Variants in HERC2 observed in about 807,000 individuals in gnomAD.
HERC2 encodes the protein E3 ubiquitin-protein ligase HERC2.
Under a neutral mutation model 537.7 loss-of-function variants are expected in HERC2, and 102 were observed. That is an observed-to-expected ratio of 0.19 (90% confidence interval 0.16 to 0.22). HERC2 has a LOEUF of 0.22. HERC2 is among the 10% of genes least tolerant of loss of function. HERC2 has a pLI of 1.00. For synonymous variants in HERC2, 2,224 were observed against 2,466.2 expected, an observed-to-expected ratio of 0.90 and a Z score of 2.91; for missense variants, 4,236 against 6,198.2, an observed-to-expected ratio of 0.68 and a Z score of 10.63.
Position 28,229,208 on chromosome 15 carries a change from T to C in HERC2, c.5259A>G (p.Lys1753=), listed in dbSNP as rs1206834990. 6 of 1,612,678 alleles carry C rather than the reference T, an allele frequency of 3.7e-6. No individual in the cohort carries two copies. The highest frequency in any genetic ancestry group is 5.1e-6 in the Non-Finnish European group (6 of 1,179,712). ...TTATTGACTCACCAAGCTCTTTAAA[T>C]TTGGCACTGGCATCCATCAAAACAT... ...IRNVLMDASA[K]FKELGIQPVP... is the part of the protein sequence containing the mutation. Residue 1753 remains lysine (K), a synonymous_variant, in exon 34 of 93, where the codon AAA becomes AAG. Transcript: ENST00000261609.
chr15:28,126,887 T>TA, intron 83 of HERC2, among the ~76,000 whole-genome samples: 1 of 152,042 alleles, frequency 6.6e-6, no homozygotes, highest in Non-Finnish European at 1.5e-5. Flanking sequence ...AAAAATAACA[T>TA]AAAAAAAGAA....
rs959485973 is a variant in HERC2 at position 28,144,108 on chromosome 15, C to T, written c.11268G>A (p.Ser3756=). ...CACTCAGCTGTGCACAAGCTGCCAG[C>T]GAGGCCGCAAGGCGAGGGACGATGC... ...NRSIVPRLAA[S]LAACAQLSAL... Residue 3756 remains serine, a synonymous_variant, in exon 73 of 93, where the codon TCG becomes TCA. Coordinates refer to ENST00000261609, the MANE Select transcript of HERC2 (RefSeq NM_004667.6). The T allele has an allele frequency of 1.9e-6, 3 of 1,614,014 alleles. No homozygotes were observed. Among genetic ancestry groups the T allele is most frequent in the South Asian group, 1.1e-5 (1 of 91,086 alleles).
chr15:28,199,812 T>C (rs762887331), intron 48 of HERC2, among the ~76,000 whole-genome samples: 2 of 152,152 alleles, frequency 1.3e-5, no homozygotes, highest in African/African-American at 2.4e-5. Context: ...CTAACTCCTA[T>C]TGTATTGGAG....
At position 28,214,228 on chromosome 15, in the gene HERC2, T is replaced by G; in HGVS notation, c.6403A>C (p.Thr2135Pro). Residue 2135 changes from threonine to proline, a missense_variant, in exon 41 of 93, where the codon ACT (threonine) becomes CCT (proline). Physicochemically the swap from Thr to Pro is conservative, Grantham distance 38. Around this residue, in one of 27 missense-constraint regions of HERC2, gnomAD observed 365 missense variants for 468.8 expected, o/e 0.78. Coordinates refer to ENST00000261609, the MANE Select transcript of HERC2 (RefSeq NM_004667.6). ...RRRVRPQASLTATHSSTLAEE... is the reference protein window; with the variant it reads ...RRRVRPQASLPATHSSTLAEE... ...GCCAGTGTGCTGCTGTGGGTGGCAG[T>G]CAGCGAGGCCTGCGGGCGCACCCTG... 6.2e-7 allele frequency: 1 copy of G among 1,612,100 alleles called. No homozygotes were observed. Among genetic ancestry groups the G allele is most frequent in the Non-Finnish European group, 8.5e-7 (1 of 1,179,884 alleles).
chr15:28,275,438 C>G (rs926064619), intron 5 of HERC2, among the ~76,000 whole-genome samples: 15 of 152,238 alleles, frequency 9.9e-5, no homozygotes, highest in African/African-American at 3.6e-4. Flanking sequence ...CACTCGAGGT[C>G]TGCTCCTGGC....
At position 28,229,302 on chromosome 15, in the gene HERC2, G is replaced by A. The variant is rs1193072809; in HGVS notation, c.5165C>T (p.Pro1722Leu). The A allele has an allele frequency of 3.1e-6, 5 of 1,612,464 alleles. No individual in the cohort carries two copies. The highest frequency in any genetic ancestry group is 3.4e-6 in the Non-Finnish European group (4 of 1,178,628). Residue 1722 changes from proline to leucine, a missense_variant, in exon 34 of 93, where the codon CCT (proline) becomes CTT (leucine). Pro to Leu is a moderately conservative substitution (Grantham distance 98). This residue lies in a region of HERC2 where 343 missense variants were observed against 417.2 expected (regional missense o/e 0.82). Coordinates refer to ENST00000261609, the MANE Select transcript of HERC2 (RefSeq NM_004667.6). ...DCLKDVDLIP[P>L]FNRMLLEVTF... is the part of the protein sequence containing the mutation. ...GACTTCCAGCAGCATCCGATTAAAAGGCGGGATCAAATCAACATCCTTTAA... is the reference window on the plus strand; with the variant it reads ...GACTTCCAGCAGCATCCGATTAAAAAGCGGGATCAAATCAACATCCTTTAA...
chr15:28,114,836 C>T, intron 89 of HERC2, 34 bp from the exon 90 acceptor site: 1 of 1,583,384 alleles, frequency 6.3e-7, no homozygotes, highest in Non-Finnish European at 8.7e-7. Context: ...CATGTGTCGA[C>T]TCACGGCTCA....
Position 28,125,077 on chromosome 15 carries a change from C to A in HERC2, c.12919G>T (p.Ala4307Ser). The A allele has an allele frequency of 6.2e-7, 1 of 1,613,938 alleles. No individual in the cohort carries two copies. Among genetic ancestry groups the A allele is most frequent in the South Asian group, 1.1e-5 (1 of 91,088 alleles). The change falls in exon 84 of 93, where the codon GCC (alanine) becomes TCC (serine). Residue 4307 changes from alanine to serine, a missense_variant. By Grantham distance (99) the Ala-to-Ser change is moderately conservative. Around this residue, in one of 27 missense-constraint regions of HERC2, gnomAD observed 189 missense variants for 255.7 expected, o/e 0.74. Transcript: ENST00000261609. Reference sequence around the variant, plus strand: ...GCGAGGGTATGTGCTGAGCCACAGGCCACACGGTTGACCTTCTTACCCTGA... The same window carrying A: ...GCGAGGGTATGTGCTGAGCCACAGGACACACGGTTGACCTTCTTACCCTGA... ...ALQGKKVNRV[A>S]CGSAHTLAWS...
At chr15:28,256,940 A>G (rs1176382549) in intron 17 of HERC2, 121 bp downstream of exon 17, 2 of 867,660 alleles carry the variant, frequency 2.3e-6, no homozygotes, top group Non-Finnish European at 3.6e-6. Context: ...GTGCATTACA[A>G]TCTTACTTTA....
At chr15:28,191,395 AC>A (rs1896843053) in intron 53 of HERC2, 151 bp from the exon 54 acceptor site, 1 of 620,280 alleles carries the variant, frequency 1.6e-6, no homozygotes, top group African/African-American at 1.8e-5. Context: ...CCTGGCAGCA[AC>A]AAGAATATTC....
At chr15:28,270,202 T>G (rs1567096668) in intron 10 of HERC2, among the ~76,000 whole-genome samples, 1 of 151,800 alleles carries the variant, frequency 6.6e-6, no homozygotes, top group Non-Finnish European at 1.5e-5. Context: ...TTTATTTATT[T>G]ATAGATAGAT....
chr15:28,217,059 C>T (rs965754621), intron 38 of HERC2, among the ~76,000 whole-genome samples: 1 of 152,164 alleles, frequency 6.6e-6, no homozygotes, highest in Non-Finnish European at 1.5e-5. Context: ...TGACACAAGG[C>T]ACTCATACAC....
At chr15:28,145,445 A>G (rs1891637116) in intron 71 of HERC2, among the ~76,000 whole-genome samples, 1 of 152,226 alleles carries the variant, frequency 6.6e-6, no homozygotes, top group Non-Finnish European at 1.5e-5. Flanking sequence ...CTGGATGCAG[A>G]AAAACTCACA....
chr15:28,314,116 T>C (rs1364014162), intron 2 of HERC2, among the ~76,000 whole-genome samples: 1 of 152,210 alleles, frequency 6.6e-6, no homozygotes, highest in Non-Finnish European at 1.5e-5. Context: ...GAAGTTATTG[T>C]TACCCAGAGC....
intron 14 of HERC2, among the ~76,000 whole-genome samples, chr15:28,264,020 C>CAAAAAA (rs34823980): frequency 3.6e-5 from 3 of 83,652 alleles, no homozygotes; most frequent in Admixed American, 1.4e-4. Flanking sequence ...CTTTGTCTTA[C>CAAAAAA]AAAAAAAAAA....
intron 4 of HERC2, among the ~76,000 whole-genome samples, chr15:28,287,719 C>CCT (rs2076194918): frequency 3.2e-5 from 4 of 124,822 alleles, no homozygotes; most frequent in African/African-American, 1.4e-4. Flanking sequence ...ACTTATTCCT[C>CCT]TTTTTTTTTT....
intron 78 of HERC2, among the ~76,000 whole-genome samples, chr15:28,137,320 G>C (rs1890749864): frequency 6.6e-6 from 1 of 152,126 alleles, no homozygotes; most frequent in African/African-American, 2.4e-5. Context: ...TTCTAAATAT[G>C]TGTGCTCCTG....
Position 28,234,092 on chromosome 15 carries a change from T to C in HERC2, c.4196A>G (p.Asn1399Ser), listed in dbSNP as rs1902171194. 1.6e-5 allele frequency: 12 copies of C among 753,010 alleles called. No homozygotes were observed. The East Asian group carries it at 2.5e-4, about 16-fold the overall frequency. 46.6% of individuals were successfully genotyped at this position (753,010 alleles called of 1,614,324 possible). The change falls in exon 27 of 93, where the codon AAC (asparagine) becomes AGC (serine). Residue 1399 changes from asparagine to serine, a missense_variant. By Grantham distance (46) the Asn-to-Ser change is conservative (BLOSUM62 1). Transcript: ENST00000261609. Reference sequence around the variant, plus strand: ...CACCTTCACGTTGTGATCCTGAATGTTGTTGTCTGCAATGGCTTGCAGAAA... The same window carrying C: ...CACCTTCACGTTGTGATCCTGAATGCTGTTGTCTGCAATGGCTTGCAGAAA... ...QAFLQAIADN[N>S]IQDHNVKDFL... is the part of the protein sequence containing the mutation.
Position 28,205,285 on chromosome 15 carries a change from C to CTGCAGGGAGCACGTGCTCCGCCCCACG in HERC2, c.7212+954_7212+955insCGTGGGGCGGAGCACGTGCTCCCTGCA. Among the ~76,000 whole-genome samples the CTGCAGGGAGCACGTGCTCCGCCCCACG allele has an allele frequency of 1.3e-4, 2 of 15,506 alleles. 1 individual carries two copies. The highest frequency in any genetic ancestry group is 5.0e-3 in the East Asian group (2 of 402). The allele number at this position is 15,506 out of a possible 152,430, so 10.2% of individuals were successfully genotyped here. A position where few individuals can be genotyped will look rare whatever the true frequency, so the allele number is the denominator to read the frequency against. On this transcript the variant is annotated intron_variant, in intron 45 of 92. Transcript: ENST00000261609. ...TCACACTCGGCATCTCCCAGCATGA[C>CTGCAGGGAGCACGTGCTCCGCCCCACG]TGCTCTCAAGTTGCTCAGCGTCTTC...
Sources: allele counts gnomAD v4.1 joint callset (sites outside exome capture counted in the v4.1 genomes callset), GRCh38; gene constraint gnomAD v4.1.1; regional missense constraint gnomAD v4.1.1; transcripts MANE v1.5; gene names NCBI Gene and HGNC (gene_info 2026-07-23, HGNC 2026-07-21).